ENTPD7: variants seen among roughly 807,000 people sequenced by gnomAD.
The protein encoded by ENTPD7 is NTPDase 7.
Under a neutral mutation model 77.9 loss-of-function variants are expected in ENTPD7, and 53 were observed. The ratio of observed to expected loss-of-function variants is 0.68; its 90% confidence interval spans 0.55 to 0.85. The LOEUF is 0.85. Ranked by LOEUF, ENTPD7 falls within the 40% of genes least tolerant of loss-of-function variation. The probability of loss-of-function intolerance (pLI) is 0.00; values close to 1 mark genes in which losing one functional copy is unlikely to be tolerated. For synonymous variants in ENTPD7, 248 were observed against 274.9 expected (o/e 0.90, Z 0.97); for missense variants, 636 against 743.7 (o/e 0.86, Z 1.68).
chr10:99,698,771 C>T lies in ENTPD7; in HGVS notation c.1248C>T (p.Tyr416=), dbSNP rs61729540. 3.1e-4 allele frequency: 493 copies of T among 1,614,238 alleles called. 4 individuals are homozygous for T. The African/African-American group carries it at 5.5e-3, about 18-fold the overall frequency. Residue 416 remains tyrosine (Y), a synonymous_variant, in exon 10 of 13, where the codon TAC becomes TAT. Transcript: ENST00000370489. The part of the protein sequence containing the change: ...SPIDFNNSEF[Y]GFSEFFYCTE... The stretch of plus-strand genomic sequence containing the variant: ...TTGACTTCAACAACAGCGAGTTCTA[C>T]GGCTTCTCTGAGTTTTTTTATTGTA...
chr10:99,699,517 C>T (rs191327493), intron 10 of ENTPD7, among the ~76,000 whole-genome samples: 150 of 152,262 alleles, frequency 9.9e-4, no homozygotes, highest in African/African-American at 3.3e-3. Flanking sequence ...TGAATTGTTG[C>T]GTGTCTCTAT....
Position 99,679,437 on chromosome 10 carries a change from G to GCCAA in ENTPD7, c.372_375dup (p.Val126ThrfsTer4). 6.2e-7 allele frequency: 1 copy of GCCAA among 1,613,654 alleles called. No homozygotes were observed. Among genetic ancestry groups the GCCAA allele is most frequent in the African/African-American group, 1.3e-5 (1 of 74,962 alleles). ...ATCAAACAGATGAGAGACCGCAACA[G>GCCAA]CCAACCAGTGGTTAAAAAAATCAAG... On this transcript the variant is annotated frameshift_variant, in exon 4 of 13. Transcript: ENST00000370489. LOFTEE classifies it high-confidence loss of function.
At chr10:99,686,623 T>C (rs1459589064) in intron 6 of ENTPD7, among the ~76,000 whole-genome samples, 5 of 152,124 alleles carry the variant, frequency 3.3e-5, no homozygotes, top group Non-Finnish European at 2.9e-5. Context: ...ACCTTCTATC[T>C]TTCCATTCAT....
intron 3 of ENTPD7, among the ~76,000 whole-genome samples, chr10:99,672,494 T>C (rs746004437): frequency 7.3e-5 from 11 of 151,492 alleles, no homozygotes; most frequent in Non-Finnish European, 1.2e-4. Flanking sequence ...TTTGTAGAGA[T>C]GGGGTTTCGC....
At chr10:99,673,959 G>A (rs549020723) in intron 3 of ENTPD7, among the ~76,000 whole-genome samples, 122 of 152,256 alleles carry the variant, frequency 8.0e-4, no homozygotes, top group African/African-American at 2.8e-3. Context: ...GGTCTAAACA[G>A]GTAGAGCAAG....
At chr10:99,691,027 C>T (rs1368568720) in intron 7 of ENTPD7, among the ~76,000 whole-genome samples, 1 of 152,184 alleles carries the variant, frequency 6.6e-6, no homozygotes, top group Non-Finnish European at 1.5e-5. Context: ...TTCTCTGTCA[C>T]TGAGGCTAGA....
At chr10:99,673,554 A>G (rs1396750467) in intron 3 of ENTPD7, among the ~76,000 whole-genome samples, 1 of 152,224 alleles carries the variant, frequency 6.6e-6, no homozygotes, top group African/African-American at 2.4e-5. Context: ...TTTCCACTGC[A>G]TAAATGCCAT....
At position 99,710,965 on chromosome 10, in the gene ENTPD7, C is replaced by G. The variant is rs2036363220; in HGVS notation, c.*6282C>G. The G allele has an allele frequency of 1.0e-6, 1 of 985,240 alleles. No individual in the cohort carries two copies. Among genetic ancestry groups the G allele is most frequent in the South Asian group, 4.7e-5 (1 of 21,288 alleles). The allele number at this position is 985,240 out of a possible 1,614,324, so 61.0% of individuals were successfully genotyped here. A position where few individuals can be genotyped will look rare whatever the true frequency, so the allele number is the denominator to read the frequency against. Reference sequence around the variant, plus strand: ...AAATATTAAGGGAAATCTATTTAATCCTATAGGTATGTGATGACTTGTTTT... The same window carrying G: ...AAATATTAAGGGAAATCTATTTAATGCTATAGGTATGTGATGACTTGTTTT... On this transcript the variant is annotated 3_prime_UTR_variant, in exon 13 of 13. Transcript: ENST00000370489.
chr10:99,678,789 A>AT (rs2035717140), intron 3 of ENTPD7, among the ~76,000 whole-genome samples: 2 of 149,902 alleles, frequency 1.3e-5, no homozygotes, highest in African/African-American at 4.9e-5. Context: ...AAAAAAAAAA[A>AT]AATCACCTCC....
chr10:99,701,584 G>A (rs185240253), intron 11 of ENTPD7, among the ~76,000 whole-genome samples: 26 of 151,630 alleles, frequency 1.7e-4, no homozygotes, highest in African/African-American at 5.6e-4. Context: ...CACCGGGCCC[G>A]GCCAAAAGTG....
At chr10:99,703,746 T>G (rs1276408354) in intron 12 of ENTPD7, among the ~76,000 whole-genome samples, 1 of 152,222 alleles carries the variant, frequency 6.6e-6, no homozygotes, top group Non-Finnish European at 1.5e-5. Context: ...AGACAGGGTC[T>G]TGCTCTGTTG....
At chr10:99,696,246 G>A in intron 9 of ENTPD7, 124 bp downstream of exon 9, 1 of 1,136,892 alleles carries the variant, frequency 8.8e-7, no homozygotes, top group Non-Finnish European at 1.2e-6. Context: ...GACTACCCCT[G>A]CCAATGGGGT....
intron 5 of ENTPD7, among the ~76,000 whole-genome samples, chr10:99,682,076 G>A (rs2133464124): frequency 6.6e-6 from 1 of 152,058 alleles, no homozygotes; most frequent in South Asian, 2.1e-4. Flanking sequence ...GTGCCTTTTG[G>A]TGTCATATCA....
At position 99,709,692 on chromosome 10, in the gene ENTPD7, G is replaced by A; in HGVS notation, c.*5009G>A. ...GGGTGTCCCATCTACCCTGTTTTCTGTTTCTGCAGATGGCTTGTTCAAGCT... is the reference window on the plus strand; with the variant it reads ...GGGTGTCCCATCTACCCTGTTTTCTATTTCTGCAGATGGCTTGTTCAAGCT... On this transcript the variant is annotated 3_prime_UTR_variant, in exon 13 of 13. Coordinates refer to ENST00000370489, the MANE Select transcript of ENTPD7 (RefSeq NM_020354.5). 1 of 985,388 alleles carries A rather than the reference G, an allele frequency of 1.0e-6. No individual in the cohort carries two copies. 61.0% of individuals were successfully genotyped at this position (985,388 alleles called of 1,614,324 possible). A position where few individuals can be genotyped will look rare whatever the true frequency, so the allele number is the denominator to read the frequency against.
chr10:99,706,592 C>G lies in ENTPD7; in HGVS notation c.*1909C>G, dbSNP rs2036258807. ...TCAAGCAATCCTCCCACCTCAGCCT[C>G]CCAAAGTGCTGGGATTACAAGCATG... On this transcript the variant is annotated 3_prime_UTR_variant, in exon 13 of 13. Coordinates refer to ENST00000370489, the MANE Select transcript of ENTPD7 (RefSeq NM_020354.5). Among the ~76,000 whole-genome samples the G allele has an allele frequency of 6.6e-6, 1 of 152,148 alleles. No homozygotes were observed. Among genetic ancestry groups the G allele is most frequent in the South Asian group, 2.1e-4 (1 of 4,828 alleles).
Position 99,701,070 on chromosome 10 carries a change from CCCTTT to C in ENTPD7, c.1421+16_1421+20del. ...GAGCATCGACTCAAGTAAGTTACTT[CCCTTT>C]CCTCCTTAGATGTGGACTTAAAATC... On this transcript the variant is annotated intron_variant, in intron 11 of 12. Coordinates refer to ENST00000370489, the MANE Select transcript of ENTPD7 (RefSeq NM_020354.5). 3 of 1,605,894 alleles carry C rather than the reference CCCTTT, an allele frequency of 1.9e-6. No individual in the cohort carries two copies. Among genetic ancestry groups the C allele is most frequent in the Non-Finnish European group, 2.6e-6 (3 of 1,172,614 alleles).
At chr10:99,679,131 T>C (rs2035719967) in intron 3 of ENTPD7, 130 bp from the exon 4 acceptor site, 2 of 788,056 alleles carry the variant, frequency 2.5e-6, no homozygotes, top group Non-Finnish European at 4.1e-6. Context: ...ACTCATTGGT[T>C]AGGACTGGTA....
At chr10:99,680,572 C>T (rs2035739826) in intron 5 of ENTPD7, among the ~76,000 whole-genome samples, 2 of 151,918 alleles carry the variant, frequency 1.3e-5, no homozygotes, top group African/African-American at 4.8e-5. Context: ...AACATGAGAG[C>T]TACCCTCTAA....
intron 9 of ENTPD7, chr10:99,697,934 C>G (rs2036019289): frequency 6.5e-6 from 1 of 154,450 alleles, no homozygotes; most frequent in Admixed American, 6.3e-5. Flanking sequence ...AATAACTGGA[C>G]CTGTGTTACG....
Sources: allele counts gnomAD v4.1 joint callset (sites outside exome capture counted in the v4.1 genomes callset), GRCh38; gene constraint gnomAD v4.1.1; transcripts MANE v1.5; gene names NCBI Gene and HGNC (gene_info 2026-07-23, HGNC 2026-07-21).